KIRREL3: variants seen among roughly 807,000 people sequenced by gnomAD.
KIRREL3 encodes kin of IRRE-like protein 3.
In KIRREL3, 36 loss-of-function variants were observed where a neutral mutation model predicts 89.7. The ratio of observed to expected loss-of-function variants is 0.40; its 90% CI spans 0.31 to 0.53. The LOEUF (loss-of-function observed/expected upper bound fraction) is 0.53, where lower values mean the gene tolerates loss of function less well. KIRREL3 is among the 20% of genes least tolerant of loss of function. The probability of loss-of-function intolerance (pLI) is 0.49; values close to 1 mark genes in which losing one functional copy is unlikely to be tolerated. For synonymous variants in KIRREL3, 445 were observed against 441.4 expected (o/e 1.01, Z -0.10); for missense variants, 864 against 1,056.6 (o/e 0.82, Z 2.53).
At chr11:126,433,639 A>C (rs1266610943) in intron 13 of KIRREL3, among the ~76,000 whole-genome samples, 1 of 152,208 alleles carries the variant, frequency 6.6e-6, no homozygotes, top group Non-Finnish European at 1.5e-5. Context: ...GACTGAGAAA[A>C]GGGGCTGGGC....
intron 1 of KIRREL3, among the ~76,000 whole-genome samples, chr11:126,693,677 A>G (rs1281530451): frequency 3.9e-5 from 6 of 152,202 alleles, no homozygotes; most frequent in African/African-American, 1.4e-4. Context: ...TTCCGAAGGG[A>G]AAATCTCATT....
Position 126,642,774 on chromosome 11 carries a change from A to G in KIRREL3, c.56-79862T>C, listed in dbSNP as rs930883976. On this transcript the variant is annotated intron_variant, in intron 1 of 16. Coordinates refer to ENST00000525144, the MANE Select transcript of KIRREL3 (RefSeq NM_032531.4). The surrounding 1 kb of genome is among the most constrained non-coding windows in gnomAD (Gnocchi z 4.9). ...TGGAGGCAGGGGGATGGATGAAAGA[A>G]TGTCTTTATGTCCCTTCAAGGGTTA... is the stretch of plus-strand genomic sequence containing the variant. 7.9e-5 allele frequency among the ~76,000 whole-genome samples: 12 copies of G among 152,208 alleles called. No homozygotes were observed. Among genetic ancestry groups the G allele is most frequent in the African/African-American group, 2.9e-4 (12 of 41,450 alleles).
chr11:126,485,004 G>C lies in KIRREL3; in HGVS notation c.434-11538C>G. The stretch of plus-strand genomic sequence containing the variant: ...CTGATATTTTTTGGTACTTTTGGTG[G>C]AGACGGGGTTTCGTCATGTTGGCCA... On this transcript the variant is annotated intron_variant, in intron 4 of 16. Transcript: ENST00000525144. The surrounding 1 kb of genome is among the most constrained non-coding windows in gnomAD (Gnocchi z 5.8). Among the ~76,000 whole-genome samples the C allele has an allele frequency of 6.6e-6, 1 of 152,066 alleles. No homozygotes were observed.
chr11:126,500,749 A>AG (rs1453641604), intron 4 of KIRREL3, among the ~76,000 whole-genome samples: 6 of 151,952 alleles, frequency 3.9e-5, no homozygotes, highest in Middle Eastern at 3.4e-3. Flanking sequence ...CAAAAAAAAA[A>AG]AAAAAGAAAA....
chr11:126,588,967 C>T (rs117061978), intron 1 of KIRREL3, among the ~76,000 whole-genome samples: 153 of 152,252 alleles, frequency 1.0e-3, no homozygotes, highest in Non-Finnish European at 1.8e-3. Context: ...GAGAGAACAG[C>T]AATTTGGGCC....
intron 1 of KIRREL3, among the ~76,000 whole-genome samples, chr11:126,717,255 A>G (rs1948001695): frequency 6.6e-6 from 1 of 152,116 alleles, no homozygotes; most frequent in Non-Finnish European, 1.5e-5. Context: ...TAATTATTCT[A>G]TGGTGTCTTG....
intron 1 of KIRREL3, among the ~76,000 whole-genome samples, chr11:126,759,690 A>T (rs1005128141): frequency 6.6e-6 from 1 of 152,220 alleles, no homozygotes; most frequent in Non-Finnish European, 1.5e-5. Flanking sequence ...TATTTCCATG[A>T]CATAAAGAAG....
rs1422301206 is a variant in KIRREL3 at position 126,522,324 on chromosome 11, A to C, written c.284-860T>G. 6.6e-6 allele frequency among the ~76,000 whole-genome samples: 1 copy of C among 152,192 alleles called. No individual in the cohort carries two copies. Among genetic ancestry groups the C allele is most frequent in the Non-Finnish European group, 1.5e-5 (1 of 68,040 alleles). On this transcript the variant is annotated intron_variant, in intron 3 of 16. Coordinates refer to ENST00000525144, the MANE Select transcript of KIRREL3 (RefSeq NM_032531.4). The surrounding 1 kb of genome is among the most constrained non-coding windows in gnomAD (Gnocchi z 6.0). ...AAGGAAAAAGAGAAATGTTTGGAAA[A>C]GGATCAAGAGTGACTTTGCAAAAAT...
rs1225150676 is a variant in KIRREL3, at chr11:126,623,157, A to C, written c.56-60245T>G. Among the ~76,000 whole-genome samples the C allele has an allele frequency of 1.3e-5, 2 of 152,228 alleles. No individual in the cohort carries two copies. The highest frequency in any genetic ancestry group is 2.9e-5 in the Non-Finnish European group (2 of 68,050). On this transcript the variant is annotated intron_variant, in intron 1 of 16. Coordinates refer to ENST00000525144, the MANE Select transcript of KIRREL3 (RefSeq NM_032531.4). This position sits in a 1 kb window ranked among gnomAD's most constrained non-coding sequence, Gnocchi z 4.1. ...AACAGAAATAGGTCATCATTTGTCT[A>C]AGGTGACAGAGCCCAAACCCACTAA...
chr11:126,874,996 C>A (rs1182416933), intron 1 of KIRREL3, among the ~76,000 whole-genome samples: 1 of 152,142 alleles, frequency 6.6e-6, no homozygotes, highest in African/African-American at 2.4e-5. Context: ...CTGCCCCTTC[C>A]TTTTCCTCCC....
rs1198564603 is a variant in KIRREL3 at position 126,456,404 on chromosome 11, T to C, written c.793A>G (p.Asn265Asp). Residue 265 changes from asparagine (N) to aspartate (D), a missense_variant, in exon 7 of 17, where the codon AAC (asparagine) becomes GAC (aspartate). Coordinates refer to ENST00000525144, the MANE Select transcript of KIRREL3 (RefSeq NM_032531.4). ...SVEPQPVLEDNVVTFHCSAKA... is the reference protein window; with the variant it reads ...SVEPQPVLEDDVVTFHCSAKA... Reference sequence around the variant, plus strand: ...GCAGAGCAGTGGAAAGTGACGACGTTGTCCTCCAGCACTGGCTGTGGCTCC... The same window carrying C: ...GCAGAGCAGTGGAAAGTGACGACGTCGTCCTCCAGCACTGGCTGTGGCTCC... The C allele has an allele frequency of 1.3e-6, 2 of 1,594,224 alleles. No homozygotes were observed. Among genetic ancestry groups the C allele is most frequent in the Admixed American group, 3.5e-5 (2 of 57,378 alleles).
Position 126,791,814 on chromosome 11 carries a change from C to G in KIRREL3, c.55+208641G>C, listed in dbSNP as rs754453819. 6.6e-6 allele frequency among the ~76,000 whole-genome samples: 1 copy of G among 152,114 alleles called. No individual in the cohort carries two copies. The highest frequency in any genetic ancestry group is 1.5e-5 in the Non-Finnish European group (1 of 68,038). Reference sequence around the variant, plus strand: ...AGACACCTTTTAGCAGGTGGAGGGACAGTTGTGGGGCTGTAGGGGCGGTTT... The same window carrying G: ...AGACACCTTTTAGCAGGTGGAGGGAGAGTTGTGGGGCTGTAGGGGCGGTTT... On this transcript the variant is annotated intron_variant, in intron 1 of 16. Transcript: ENST00000525144. This position sits in a 1 kb window ranked among gnomAD's most constrained non-coding sequence, Gnocchi z 4.8.
chr11:126,765,500 G>A (rs1381054917), intron 1 of KIRREL3, among the ~76,000 whole-genome samples: 1 of 152,080 alleles, frequency 6.6e-6, no homozygotes, highest in Non-Finnish European at 1.5e-5. Flanking sequence ...TATCTCAACG[G>A]GTCTGTGTCT....
At chr11:126,936,527 T>C (rs887362692) in intron 1 of KIRREL3, 8 of 149,710 alleles carry the variant, frequency 5.3e-5, no homozygotes, top group African/African-American at 2.0e-4. Context: ...CAAAATGTGG[T>C]CTATCCGTAC....
chr11:126,899,288 C>G (rs1466611095), intron 1 of KIRREL3, among the ~76,000 whole-genome samples: 7 of 152,258 alleles, frequency 4.6e-5, no homozygotes, highest in Non-Finnish European at 1.0e-4. Context: ...TAGCCTTTCA[C>G]TCCTTGTAGA....
At chr11:126,785,467 G>T (rs1950458520) in intron 1 of KIRREL3, among the ~76,000 whole-genome samples, 1 of 152,080 alleles carries the variant, frequency 6.6e-6, no homozygotes, top group South Asian at 2.1e-4. Context: ...GGGAGTGGGA[G>T]GGGCTTCTCA....
intron 1 of KIRREL3, among the ~76,000 whole-genome samples, chr11:126,929,830 C>T (rs1261307138): frequency 4.6e-5 from 7 of 152,204 alleles, no homozygotes; most frequent in Admixed American, 3.9e-4. Context: ...CAGAAAAATG[C>T]TCCTCTGCGC....
rs1054557572 is a variant in KIRREL3 at position 126,905,430 on chromosome 11, A to T, written c.55+95025T>A. On this transcript the variant is annotated intron_variant, in intron 1 of 16. Transcript: ENST00000525144. The surrounding 1 kb of genome is among the most constrained non-coding windows in gnomAD (Gnocchi z 5.0). The stretch of plus-strand genomic sequence containing the variant: ...AATAATTGCAATGCATCAACTTGGC[A>T]GAGGGCTACACATTAGGTAGGTCCT... 6.6e-6 allele frequency among the ~76,000 whole-genome samples: 1 copy of T among 152,202 alleles called. No individual in the cohort carries two copies. Among genetic ancestry groups the T allele is most frequent in the African/African-American group, 2.4e-5 (1 of 41,440 alleles).
intron 1 of KIRREL3, among the ~76,000 whole-genome samples, chr11:126,648,839 T>C (rs1435758930): frequency 6.6e-6 from 1 of 152,182 alleles, no homozygotes; most frequent in East Asian, 1.9e-4. Context: ...AGAAAATTCA[T>C]TTTGCCTGGT....
Sources: gnomAD v4.1 joint callset for allele counts (sites outside exome capture counted in the v4.1 genomes callset) on GRCh38, gnomAD v4.1.1 for gene constraint, Gnocchi (gnomAD v3.1) non-coding constraint, MANE v1.5 for transcripts, NCBI Gene and HGNC (gene_info 2026-07-23, HGNC 2026-07-21) for gene names.